NLGN4X: variants seen among roughly 807,000 people sequenced by gnomAD.
NLGN4X encodes the protein neuroligin-4, X-linked.
A neutral mutation model predicts 40.3 loss-of-function variants in NLGN4X; 3 were observed. That is an observed-to-expected ratio of 0.07 (90% CI 0.03 to 0.19). The LOEUF (loss-of-function observed/expected upper bound fraction) is 0.19, where lower values mean the gene tolerates loss of function less well. Among genes scored for constraint, NLGN4X ranks in the 10% least tolerant of loss-of-function variants. The pLI is 1.00. For synonymous variants in NLGN4X, 270 were observed against 306.8 expected (o/e 0.88, Z 1.25); for missense variants, 382 against 708.3 (o/e 0.54, Z 5.23).
intron 3 of NLGN4X, among the ~76,000 whole-genome samples, chrX:5,959,731 C>T (rs778726708): frequency 1.7e-4 from 19 of 111,823 alleles, no homozygotes; most frequent in African/African-American, 5.8e-4. Flanking sequence ...GTGGGCAAAC[C>T]TGTCAGTTCT....
chrX:6,029,488 T>C (rs1370804006), intron 2 of NLGN4X, 56 bp from the exon 3 acceptor site: 15 of 1,118,837 alleles, frequency 1.3e-5, no homozygotes, highest in Non-Finnish European at 1.8e-5. Flanking sequence ...GACTCACCAA[T>C]GCTAAATTAA....
At chrX:5,954,618 GTCTCTCTCTGTCTCTGTC>G (rs2034426765) in intron 3 of NLGN4X, among the ~76,000 whole-genome samples, 2 of 88,004 alleles carry the variant, frequency 2.3e-5, no homozygotes, top group East Asian at 3.8e-4. Context: ...CTCTGTCTCT[GTCTCTCTCTGTCTCTGTC>G]TCTCTCTCTC....
Position 5,893,151 on chromosome X carries a change from T to A in NLGN4X, c.2117A>T (p.Glu706Val). Residue 706 changes from glutamate to valine, a missense_variant, in exon 6 of 6, where the codon GAG becomes GTG. Physicochemically the swap from Glu to Val is moderately radical, Grantham distance 121. Coordinates refer to ENST00000381095, the MANE Select transcript of NLGN4X (RefSeq NM_181332.3). ...LYYKKDKRRH[E>V]THRRPSPQRN... ...CTGGGGACTGGGGCGCCTGTGAGTC[T>A]CATGGCGCCTCTTGTCCTTTTTGTA... 1 of 1,211,693 alleles carries A rather than the reference T, an allele frequency of 8.3e-7. No homozygotes were observed. The highest frequency in any genetic ancestry group is 1.7e-5 in the African/African-American group (1 of 57,785).
intron 3 of NLGN4X, among the ~76,000 whole-genome samples, chrX:5,929,926 G>A (rs2033487842): frequency 8.9e-6 from 1 of 112,034 alleles, no homozygotes; most frequent in Non-Finnish European, 1.9e-5. Context: ...TATCTAATGG[G>A]AAAAAACTGG....
chrX:6,117,959 A>T (rs1234897504), intron 2 of NLGN4X, among the ~76,000 whole-genome samples: 1 of 111,456 alleles, frequency 9.0e-6, no homozygotes, highest in Non-Finnish European at 1.9e-5. Flanking sequence ...AAGAGAAAAA[A>T]AAAATGAAGC....
intron 1 of NLGN4X, among the ~76,000 whole-genome samples, chrX:6,176,395 C>G (rs754785912): frequency 3.6e-5 from 4 of 112,193 alleles, no homozygotes; most frequent in Admixed American, 9.5e-5. Context: ...GTGTGGTCTG[C>G]AGAATAACGG....
At chrX:6,171,558 G>C (rs1219184241) in intron 1 of NLGN4X, among the ~76,000 whole-genome samples, 4 of 111,947 alleles carry the variant, frequency 3.6e-5, no homozygotes, top group Non-Finnish European at 7.5e-5. Flanking sequence ...CCAAGAAAGG[G>C]TGCACAAAAG....
intron 3 of NLGN4X, among the ~76,000 whole-genome samples, chrX:5,917,129 G>A (rs1173043496): frequency 8.0e-5 from 9 of 112,480 alleles, no homozygotes; most frequent in African/African-American, 2.9e-4. Flanking sequence ...GCCCTCTGCA[G>A]GGCTGCTGGG....
intron 1 of NLGN4X, among the ~76,000 whole-genome samples, chrX:6,201,083 C>A (rs778777577): frequency 1.8e-5 from 2 of 111,347 alleles, no homozygotes; most frequent in Non-Finnish European, 3.8e-5. Context: ...AGACACAAGA[C>A]GTCAACTACT....
intron 3 of NLGN4X, among the ~76,000 whole-genome samples, chrX:5,963,909 T>G (rs148587725): frequency 0.068 from 7,611 of 112,410 alleles, 631 homozygotes; most frequent in African/African-American, 0.23. Context: ...TGCTCTTTCC[T>G]GCTTCGGAAT....
chrX:6,055,817 G>T (rs1387138650), intron 2 of NLGN4X, among the ~76,000 whole-genome samples: 1 of 111,291 alleles, frequency 9.0e-6, no homozygotes, highest in African/African-American at 3.3e-5. Context: ...AAATTGTGTA[G>T]AATTACACGG....
intron 2 of NLGN4X, among the ~76,000 whole-genome samples, chrX:6,046,022 A>G (rs955049463): frequency 7.1e-5 from 8 of 112,036 alleles, no homozygotes; most frequent in African/African-American, 1.9e-4. Context: ...TTAACACAAA[A>G]TGATTTGTCA....
At chrX:5,901,360 C>T (rs966434024) in intron 5 of NLGN4X, among the ~76,000 whole-genome samples, 1 of 112,034 alleles carries the variant, frequency 8.9e-6, no homozygotes, top group Non-Finnish European at 1.9e-5. Context: ...GCGACAGGCA[C>T]ATCTTTCTCT....
intron 1 of NLGN4X, among the ~76,000 whole-genome samples, chrX:6,176,058 G>A (rs924602689): frequency 7.2e-5 from 8 of 111,464 alleles, no homozygotes; most frequent in African/African-American, 2.6e-4. Flanking sequence ...CAACAAAGAC[G>A]CTCTGCTCTT....
chrX:6,086,537 T>C (rs1308738320), intron 2 of NLGN4X, among the ~76,000 whole-genome samples: 1 of 112,277 alleles, frequency 8.9e-6, no homozygotes, highest in Non-Finnish European at 1.9e-5. Flanking sequence ...CTAACGGGTA[T>C]AATCCTTTCA....
chrX:6,049,269 G>A (rs1283999599), intron 2 of NLGN4X, among the ~76,000 whole-genome samples: 2 of 54,443 alleles, frequency 3.7e-5, no homozygotes, highest in African/African-American at 1.3e-4. Context: ...GGGGAGGGGA[G>A]GGGAGGAAAA....
At chrX:6,188,314 A>G (rs913295914) in intron 1 of NLGN4X, among the ~76,000 whole-genome samples, 10 of 112,251 alleles carry the variant, frequency 8.9e-5, no homozygotes, top group African/African-American at 2.9e-4. Context: ...AAATACTCTG[A>G]TTAGCTCCTA....
chrX:5,916,696 C>T (rs1219042815), intron 3 of NLGN4X, among the ~76,000 whole-genome samples: 1 of 111,489 alleles, frequency 9.0e-6, no homozygotes, highest in African/African-American at 3.3e-5. Flanking sequence ...GTGATCCACC[C>T]GCCTCGGCCT....
At chrX:5,927,187 CTG>C (rs896688934) in intron 3 of NLGN4X, among the ~76,000 whole-genome samples, 4 of 111,464 alleles carry the variant, frequency 3.6e-5, no homozygotes, top group Non-Finnish European at 7.5e-5. Context: ...ATATAAAAGA[CTG>C]TATTTAAAGG....
Sources: gnomAD v4.1 joint callset for allele counts (sites outside exome capture counted in the v4.1 genomes callset) on GRCh38, gnomAD v4.1.1 for gene constraint, MANE v1.5 for transcripts, NCBI Gene and HGNC (gene_info 2026-07-23, HGNC 2026-07-21) for gene names.